Variants in FAM83B observed in about 807,000 individuals in gnomAD.
The protein encoded by FAM83B is scaffolding CK1 anchoring protein B.
FAM83B carries 26 observed loss-of-function variants against 38.8 expected under a neutral mutation model. That is an observed-to-expected ratio of 0.67 (90% CI 0.49 to 0.93). The LOEUF (loss-of-function observed/expected upper bound fraction) is 0.93, where lower values mean the gene tolerates loss of function less well. Ranked by LOEUF, FAM83B falls within the 40% of genes least tolerant of loss-of-function variation. The pLI, the probability that FAM83B is intolerant of heterozygous loss-of-function variation, is 0.00. For missense variants in FAM83B, 1,237 were observed against 1,197.3 expected (o/e 1.03, Z -0.49); for synonymous variants, 419 against 423.1 (o/e 0.99, Z 0.12).
chr6:54,850,975 G>A (rs542492629), intron 1 of FAM83B, among the ~76,000 whole-genome samples: 2 of 141,210 alleles, frequency 1.4e-5, no homozygotes, highest in African/African-American at 2.7e-5. Context: ...CCCAGGTCGC[G>A]CCACTGCACT....
In FAM83B at chr6:54,941,258, G is replaced by T. The variant is rs372533459; in HGVS notation, c.2287G>T (p.Gly763Cys). The stretch of plus-strand genomic sequence containing the variant: ...ACTTGCTTCAAAGAAGGAAGTTAAG[G>T]GTTCCCCAAGTTTTTTGAAAAAGGG... ...KELASKKEVKGSPSFLKKGSQ... is the reference protein window; with the variant it reads ...KELASKKEVKCSPSFLKKGSQ... Residue 763 changes from glycine to cysteine, a missense_variant, in exon 5 of 5, where the codon GGT (glycine) becomes TGT (cysteine). Physicochemically the swap from Gly to Cys is radical, Grantham distance 159. Coordinates refer to ENST00000306858, the MANE Select transcript of FAM83B (RefSeq NM_001010872.3). 3.7e-6 allele frequency: 6 copies of T among 1,611,854 alleles called. No individual in the cohort carries two copies. Among genetic ancestry groups the T allele is most frequent in the Non-Finnish European group, 5.1e-6 (6 of 1,179,478 alleles).
intron 4 of FAM83B, among the ~76,000 whole-genome samples, chr6:54,929,215 G>A (rs1773372475): frequency 6.6e-6 from 1 of 152,148 alleles, no homozygotes; most frequent in African/African-American, 2.4e-5. Flanking sequence ...CGAACGAGAT[G>A]TGGTAGACTA....
chr6:54,886,891 T>G (rs899682854), intron 2 of FAM83B, among the ~76,000 whole-genome samples: 2 of 151,762 alleles, frequency 1.3e-5, no homozygotes, highest in African/African-American at 4.9e-5. Flanking sequence ...TGAGATTCAA[T>G]ATTTATATAT....
In FAM83B at chr6:54,942,409, T is replaced by C. The variant is rs1773725075; in HGVS notation, c.*402T>C. Among the ~76,000 whole-genome samples the C allele has an allele frequency of 6.6e-6, 1 of 152,170 alleles. No individual in the cohort carries two copies. The highest frequency in any genetic ancestry group is 6.5e-5 in the Admixed American group (1 of 15,270). On this transcript the variant is annotated 3_prime_UTR_variant, in exon 5 of 5. Coordinates refer to ENST00000306858, the MANE Select transcript of FAM83B (RefSeq NM_001010872.3). ...AACATGTGTTTATAGTGTTTTCATATCTTCAAAAATATAAGCAAATGGGAC... is the reference window on the plus strand; with the variant it reads ...AACATGTGTTTATAGTGTTTTCATACCTTCAAAAATATAAGCAAATGGGAC...
intron 1 of FAM83B, among the ~76,000 whole-genome samples, chr6:54,868,296 T>C (rs1260395311): frequency 1.3e-5 from 2 of 152,144 alleles, no homozygotes; most frequent in Non-Finnish European, 2.9e-5. Context: ...ATCCTGGGTC[T>C]CTAATCATTA....
At chr6:54,876,340 T>G (rs1771996973) in intron 2 of FAM83B, among the ~76,000 whole-genome samples, 1 of 144,684 alleles carries the variant, frequency 6.9e-6, no homozygotes, top group African/African-American at 2.5e-5. Flanking sequence ...TTTTTTTTTT[T>G]TGAGACAGAG....
At chr6:54,856,538 T>C (rs374698459) in intron 1 of FAM83B, among the ~76,000 whole-genome samples, 3 of 152,196 alleles carry the variant, frequency 2.0e-5, no homozygotes. Context: ...TAGAAATCTG[T>C]CTATATAAAT....
chr6:54,925,800 G>T (rs116418311), intron 2 of FAM83B, among the ~76,000 whole-genome samples: 2,495 of 152,208 alleles, frequency 0.016, 66 homozygotes, highest in African/African-American at 0.056. Flanking sequence ...GCAGATTTTG[G>T]TATATGCAGA....
At chr6:54,902,043 C>T (rs1218729465) in intron 2 of FAM83B, among the ~76,000 whole-genome samples, 3 of 152,196 alleles carry the variant, frequency 2.0e-5, no homozygotes, top group Middle Eastern at 3.4e-3. Flanking sequence ...TCATTTAACT[C>T]ATAATGAAGG....
rs143374080 is a variant in FAM83B at position 54,850,974 on chromosome 6, C to T, written c.-61+4148C>T. Among the ~76,000 whole-genome samples the T allele has an allele frequency of 8.1e-3, 1,172 of 144,668 alleles. 22 individuals carry two copies. Among genetic ancestry groups the T allele is most frequent in the African/African-American group, 0.028 (1,102 of 38,960 alleles). 94.9% of individuals were successfully genotyped at this position (144,668 alleles called of 152,430 possible). A position where few individuals can be genotyped will look rare whatever the true frequency, so the allele number is the denominator to read the frequency against. ...CAGAGCTTGCAGTGAGCCCAGGTCG[C>T]GCCACTGCACTCCAGCCTGGGTGAC... On this transcript the variant is annotated intron_variant, in intron 1 of 4. Coordinates refer to ENST00000306858, the MANE Select transcript of FAM83B (RefSeq NM_001010872.3).
rs1464247108 is a variant in FAM83B at position 54,940,495 on chromosome 6, A to G, written c.1524A>G (p.Thr508=). 1 of 1,614,030 alleles carries G rather than the reference A, an allele frequency of 6.2e-7. No homozygotes were observed. The change falls in exon 5 of 5, where the codon ACA becomes ACG. Residue 508 remains threonine (T), a synonymous_variant. Coordinates refer to ENST00000306858, the MANE Select transcript of FAM83B (RefSeq NM_001010872.3). ...ACTTAAATGATCATTCAGAAGCTAC[A>G]CCGGACTCAAATGGATCAGCTTTAG... The part of the protein sequence containing the change: ...ESYLNDHSEA[T]PDSNGSALGD...
intron 1 of FAM83B, among the ~76,000 whole-genome samples, chr6:54,854,482 C>G (rs910071482): frequency 2.0e-5 from 3 of 152,186 alleles, no homozygotes; most frequent in African/African-American, 7.2e-5. Flanking sequence ...CAGCAGCCAT[C>G]AACATCAAGA....
intron 1 of FAM83B, among the ~76,000 whole-genome samples, chr6:54,868,543 C>T (rs545534729): frequency 2.6e-5 from 4 of 152,206 alleles, no homozygotes; most frequent in Admixed American, 6.5e-5. Flanking sequence ...TTTCCCCATG[C>T]GATAGCTTTT....
chr6:54,891,752 CATA>C (rs943658845), intron 2 of FAM83B, among the ~76,000 whole-genome samples: 2 of 152,180 alleles, frequency 1.3e-5, no homozygotes, highest in African/African-American at 2.4e-5. Context: ...CTTGGAATCA[CATA>C]ATGATTCATT....
chr6:54,852,763 A>G (rs374805433), intron 1 of FAM83B, among the ~76,000 whole-genome samples: 4 of 152,364 alleles, frequency 2.6e-5, no homozygotes, highest in Non-Finnish European at 4.4e-5. Flanking sequence ...TCCAGTAAAC[A>G]CACACATCAT....
intron 1 of FAM83B, among the ~76,000 whole-genome samples, chr6:54,863,171 A>G (rs1380297972): frequency 2.0e-5 from 3 of 152,086 alleles, no homozygotes; most frequent in Non-Finnish European, 4.4e-5. Flanking sequence ...ATCCTATAGG[A>G]CCCTCTCCAA....
At chr6:54,919,753 C>G (rs1431583131) in intron 2 of FAM83B, among the ~76,000 whole-genome samples, 3 of 151,982 alleles carry the variant, frequency 2.0e-5, no homozygotes, top group Non-Finnish European at 4.4e-5. Context: ...CCCTGTAATA[C>G]TCTTTTATGA....
chr6:54,909,702 A>G (rs1468921100), intron 2 of FAM83B, among the ~76,000 whole-genome samples: 1 of 152,212 alleles, frequency 6.6e-6, no homozygotes, highest in Non-Finnish European at 1.5e-5. Context: ...CAAGAAAGTA[A>G]TAAGTAAGCA....
chr6:54,925,292 T>C (rs536324292), intron 2 of FAM83B, among the ~76,000 whole-genome samples: 20 of 152,316 alleles, frequency 1.3e-4, no homozygotes, highest in African/African-American at 4.3e-4. Flanking sequence ...TAGCTTGTTA[T>C]ATAATTGACT....
Sources: gnomAD v4.1 joint callset for allele counts (sites outside exome capture counted in the v4.1 genomes callset) on GRCh38, gnomAD v4.1.1 for gene constraint, MANE v1.5 for transcripts, NCBI Gene and HGNC (gene_info 2026-07-23, HGNC 2026-07-21) for gene names.